ATAD2: variants seen among roughly 807,000 people sequenced by gnomAD.
ATAD2 encodes ATPase family AAA domain containing 2.
In ATAD2, 62 loss-of-function variants were observed where a neutral mutation model predicts 168.9. The ratio of observed to expected loss-of-function variants is 0.37; its 90% CI spans 0.30 to 0.45. The LOEUF is 0.45. ATAD2 is among the 20% of genes least tolerant of loss of function. The probability of loss-of-function intolerance (pLI) is 1.00; values close to 1 mark genes in which losing one functional copy is unlikely to be tolerated. For synonymous variants in ATAD2, 613 were observed against 571.6 expected, an observed-to-expected ratio of 1.07 and a Z score of -1.03; for missense variants, 1,419 against 1,667.8, an observed-to-expected ratio of 0.85 and a Z score of 2.60.
chr8:123,336,553 C>A lies in ATAD2; in HGVS notation c.3052-21G>T. On this transcript the variant is annotated intron_variant, in intron 21 of 27. Coordinates refer to ENST00000287394, the MANE Select transcript of ATAD2 (RefSeq NM_014109.4). ...GGAACCTAAAATTCAAGCAAATGAT[C>A]AAATCACAAAATTAACTCTAAACAT... is the stretch of plus-strand genomic sequence containing the variant. The A allele has an allele frequency of 3.4e-6, 5 of 1,476,358 alleles. No homozygotes were observed. The South Asian group carries it at 6.1e-5, about 18-fold the overall frequency. 91.5% of individuals were successfully genotyped at this position (1,476,358 alleles called of 1,614,324 possible).
chr8:123,360,937 C>CAA (rs34721440), intron 9 of ATAD2, among the ~76,000 whole-genome samples: 3,371 of 104,274 alleles, frequency 0.032, 138 homozygotes, highest in African/African-American at 0.11. Flanking sequence ...TTATTATAAG[C>CAA]AAAAAAAAAA....
Position 123,402,061 on chromosome 8 carries a change from T to G in ATAD2, c.-2281-886A>C. 2 of 1,492,614 alleles carry G rather than the reference T, an allele frequency of 1.3e-6. No homozygotes were observed. Among genetic ancestry groups the G allele is most frequent in the South Asian group, 2.3e-5 (2 of 88,298 alleles). The allele number at this position is 1,492,614 out of a possible 1,614,324, so 92.5% of individuals were successfully genotyped here. ...AGAAGCGTACCATGTCGGCCCAGAT[T>G]GAGGGTGGCGTCCATGGCCTGCACT... On this transcript the variant is annotated intron_variant, in intron 1 of 28. Coordinates refer to the ATAD2 transcript ENST00000521903. This position sits in a 1 kb window ranked among gnomAD's most constrained non-coding sequence, Gnocchi z 4.8.
chr8:123,403,905 G>A (rs900739408), intron 1 of ATAD2, among the ~76,000 whole-genome samples: 4 of 152,076 alleles, frequency 2.6e-5, no homozygotes, highest in African/African-American at 9.7e-5. Flanking sequence ...GTGACCTTGT[G>A]AGGCCATCCA....
chr8:123,384,651 T>A (rs1244191649), intron 1 of ATAD2, among the ~76,000 whole-genome samples: 1 of 152,252 alleles, frequency 6.6e-6, no homozygotes, highest in African/African-American at 2.4e-5. Context: ...AAGAGAACAC[T>A]GTCTTTAGCA....
chr8:123,406,192 CAT>C (rs1051900235), intron 1 of ATAD2, among the ~76,000 whole-genome samples: 54 of 152,104 alleles, frequency 3.6e-4, no homozygotes, highest in African/African-American at 1.3e-3. Flanking sequence ...GCCTGGCCAA[CAT>C]AGTGAAACTG....
chr8:123,355,057 G>A (rs1331706509), intron 13 of ATAD2, among the ~76,000 whole-genome samples: 1 of 151,412 alleles, frequency 6.6e-6, no homozygotes, highest in East Asian at 1.9e-4. Context: ...AATATAGTGT[G>A]ACTGATAATG....
chr8:123,413,243 C>T (rs1813189163), intron 1 of ATAD2, among the ~76,000 whole-genome samples: 1 of 146,964 alleles, frequency 6.8e-6, no homozygotes, highest in Admixed American at 6.8e-5. Context: ...CCCCCAACTC[C>T]TCCCTGCTTC....
Position 123,369,106 on chromosome 8 carries a change from C to T in ATAD2, c.1001G>A (p.Arg334Gln), listed in dbSNP as rs758978006. The part of the protein sequence containing the change: ...GPASPARPRY[R>Q]LSSAGPRSPY... ...ACTTCTTGGTCCTGCGGAAGATAAT[C>T]GGTATCTTGGTCTTGCAGGAGAAGC... The change falls in exon 8 of 28, where the codon CGA becomes CAA. Residue 334 changes from arginine to glutamine, a missense_variant. Arg to Gln is a conservative substitution (Grantham distance 43). Around this residue, in one of 5 missense-constraint regions of ATAD2, gnomAD observed 419 missense variants for 423.5 expected, o/e 0.99. Coordinates refer to ENST00000287394, the MANE Select transcript of ATAD2 (RefSeq NM_014109.4). 8 of 1,595,332 alleles carry T rather than the reference C, an allele frequency of 5.0e-6. No homozygotes were observed. The highest frequency in any genetic ancestry group is 4.0e-5 in the African/African-American group (3 of 74,474).
At chr8:123,397,688 T>C (rs1162339197), upstream of ATAD2, among the ~76,000 whole-genome samples, 1 of 152,064 alleles carries the variant, frequency 6.6e-6, no homozygotes. Context: ...GATGCAGCAG[T>C]GAATAAAAAG....
At chr8:123,324,763 G>C (rs1383277268) in intron 26 of ATAD2, among the ~76,000 whole-genome samples, 1 of 152,208 alleles carries the variant, frequency 6.6e-6, no homozygotes, top group Non-Finnish European at 1.5e-5. Flanking sequence ...AGTATTATTA[G>C]CTATTAGGAT....
At chr8:123,326,558 G>A (rs932380403) in intron 25 of ATAD2, among the ~76,000 whole-genome samples, 1 of 151,828 alleles carries the variant, frequency 6.6e-6, no homozygotes, top group Admixed American at 6.6e-5. Context: ...CATGCCTATA[G>A]TCCCAGCTGC....
intron 16 of ATAD2, 76 bp downstream of exon 16, chr8:123,347,016 T>C: frequency 7.2e-7 from 1 of 1,393,572 alleles, no homozygotes; most frequent in Non-Finnish European, 9.7e-7. Context: ...TACAAATAAA[T>C]ATTTCTGGTA....
At chr8:123,383,871 C>G (rs549554584) in intron 1 of ATAD2, among the ~76,000 whole-genome samples, 53 of 151,490 alleles carry the variant, frequency 3.5e-4, no homozygotes, top group Non-Finnish European at 6.3e-4. Context: ...CTCATGAGGT[C>G]AAGAGATAGA....
At chr8:123,384,399 G>A (rs1829586761) in intron 1 of ATAD2, among the ~76,000 whole-genome samples, 2 of 152,106 alleles carry the variant, frequency 1.3e-5, no homozygotes, top group South Asian at 2.1e-4. Context: ...TTTGCTTTAG[G>A]AGCTTTTAAT....
At chr8:123,364,217 A>C (rs1586885190) in intron 8 of ATAD2, among the ~76,000 whole-genome samples, 1 of 145,714 alleles carries the variant, frequency 6.9e-6, no homozygotes, top group African/African-American at 2.5e-5. Flanking sequence ...CTTTACAGAT[A>C]AAAAAAAAAC....
Position 123,334,476 on chromosome 8 carries a change from T to C in ATAD2, c.3212-154A>G, listed in dbSNP as rs150685696. ...AGTTACTGGAATTGTCCTATTCTGT[T>C]TCTGGAGCTAATCTAATGTTCTGGA... is the stretch of plus-strand genomic sequence containing the variant. On this transcript the variant is annotated intron_variant, in intron 22 of 27. Transcript: ENST00000287394. 1.3e-4 allele frequency among the ~76,000 whole-genome samples: 20 copies of C among 152,328 alleles called. No homozygotes were observed. The East Asian group carries it at 3.5e-3, about 26-fold the overall frequency.
chr8:123,400,606 G>A (rs533792930), upstream of ATAD2: 19 of 592,632 alleles, frequency 3.2e-5, no homozygotes, highest in African/African-American at 1.8e-4. This position sits in a 1 kb window ranked among gnomAD's most constrained non-coding sequence, Gnocchi z 4.5. Flanking sequence ...CCAGGGCACC[G>A]GCTGCGTGCC....
intron 19 of ATAD2, among the ~76,000 whole-genome samples, chr8:123,343,317 C>T (rs554999151): frequency 6.6e-6 from 1 of 152,186 alleles, no homozygotes; most frequent in Non-Finnish European, 1.5e-5. Flanking sequence ...GCCTATTTAA[C>T]ACTGTAACCT....
At chr8:123,396,569 G>A (rs1316316773), upstream of ATAD2, 7 of 563,646 alleles carry the variant, frequency 1.2e-5, no homozygotes, top group Non-Finnish European at 1.8e-5. Flanking sequence ...TTTGTAGAGC[G>A]AAGGAGGCCG....
Sources: gnomAD v4.1 joint callset for allele counts (sites outside exome capture counted in the v4.1 genomes callset) on GRCh38, gnomAD v4.1.1 for gene constraint, gnomAD v4.1.1 regional missense constraint, Gnocchi (gnomAD v3.1) non-coding constraint, MANE v1.5 for transcripts, NCBI Gene and HGNC (gene_info 2026-07-23, HGNC 2026-07-21) for gene names.